ARHGAP22: variants seen among roughly 807,000 people sequenced by gnomAD.
ARHGAP22 encodes the protein rho GTPase-activating protein 22.
Under a neutral mutation model 59.1 loss-of-function variants are expected in ARHGAP22, and 48 were observed. The observed-to-expected ratio is 0.81, with a 90% CI of 0.64 to 1.03. ARHGAP22 has a LOEUF of 1.03. Ranked by LOEUF, ARHGAP22 falls within the 50% of genes least tolerant of loss-of-function variation. The pLI is 0.00. For missense variants in ARHGAP22, 1,015 were observed against 958.7 expected (o/e 1.06, Z -0.78); for synonymous variants, 445 against 416.4 (o/e 1.07, Z -0.84).
intron 3 of ARHGAP22, among the ~76,000 whole-genome samples, chr10:48,481,641 T>C (rs1404696403): frequency 8.5e-5 from 13 of 152,152 alleles, no homozygotes; most frequent in Non-Finnish European, 2.9e-5. Flanking sequence ...CTGTCTAACT[T>C]TTTAAGTATT....
intron 2 of ARHGAP22, among the ~76,000 whole-genome samples, chr10:48,572,555 A>T (rs1322812551): frequency 6.6e-6 from 1 of 152,220 alleles, no homozygotes; most frequent in Admixed American, 6.5e-5. Context: ...CCTCTGCTCC[A>T]GAGTGAATAT....
chr10:48,643,317 G>A (rs535564036), intron 1 of ARHGAP22, among the ~76,000 whole-genome samples: 19 of 152,044 alleles, frequency 1.2e-4, no homozygotes, highest in Non-Finnish European at 2.4e-4. Context: ...TGTTTATTGC[G>A]GCACTATTCA....
chr10:48,628,182 C>T (rs1317102203), intron 1 of ARHGAP22, among the ~76,000 whole-genome samples: 1 of 152,218 alleles, frequency 6.6e-6, no homozygotes, highest in Non-Finnish European at 1.5e-5. Context: ...TGCACTCACG[C>T]AGTCTCAGAA....
chr10:48,456,202 G>C (rs552297799), intron 5 of ARHGAP22, among the ~76,000 whole-genome samples: 1 of 152,160 alleles, frequency 6.6e-6, no homozygotes, highest in Non-Finnish European at 1.5e-5. Context: ...AAGATGAGAC[G>C]GGGCCAGGAG....
intron 3 of ARHGAP22, among the ~76,000 whole-genome samples, chr10:48,487,542 G>C (rs1199886709): frequency 6.6e-6 from 1 of 152,166 alleles, no homozygotes; most frequent in East Asian, 1.9e-4. Context: ...AACCTGATCT[G>C]TCATTTTTAG....
intron 4 of ARHGAP22, among the ~76,000 whole-genome samples, chr10:48,468,863 G>A (rs1027636470): frequency 6.6e-6 from 1 of 152,136 alleles, no homozygotes; most frequent in Non-Finnish European, 1.5e-5. Flanking sequence ...CCTCCCCAGA[G>A]CTCAGGTGAA....
intron 2 of ARHGAP22, among the ~76,000 whole-genome samples, chr10:48,573,837 G>A (rs1187115051): frequency 6.6e-6 from 1 of 152,148 alleles, no homozygotes; most frequent in Admixed American, 6.5e-5. Context: ...TGGTATAAAT[G>A]GGACTTGAAG....
chr10:48,549,567 A>G (rs2056736595), intron 3 of ARHGAP22, among the ~76,000 whole-genome samples: 1 of 152,014 alleles, frequency 6.6e-6, no homozygotes, highest in Non-Finnish European at 1.5e-5. Flanking sequence ...AGAGCAGGAG[A>G]TTTCTGCTTT....
intron 3 of ARHGAP22, among the ~76,000 whole-genome samples, chr10:48,547,982 C>A (rs1441923119): frequency 6.6e-6 from 1 of 152,234 alleles, no homozygotes; most frequent in Non-Finnish European, 1.5e-5. Context: ...TCCTTGCCCC[C>A]ACTAGGCGAA....
rs1221948681 is a variant in ARHGAP22 at position 48,634,396 on chromosome 10, G to A, written c.52+17838C>T. Among the ~76,000 whole-genome samples the A allele has an allele frequency of 2.0e-5, 3 of 152,210 alleles. No individual in the cohort carries two copies. In the East Asian group the frequency reaches 5.8e-4, roughly 29 times the overall value. The stretch of plus-strand genomic sequence containing the variant: ...AGAGGATAAGCTGCTGGGTGCAGAG[G>A]GCGGTGAGCCTGCACTGTGGTTTGC... On this transcript the variant is annotated intron_variant, in intron 1 of 9. Coordinates refer to the ARHGAP22 transcript ENST00000435790.
At chr10:48,474,509 G>C (rs1009979532) in intron 4 of ARHGAP22, among the ~76,000 whole-genome samples, 5 of 149,004 alleles carry the variant, frequency 3.4e-5, no homozygotes, top group African/African-American at 1.2e-4. Flanking sequence ...TCCTTGTCTT[G>C]TTCCTGATCT....
chr10:48,443,488 G>T (rs1005795698), downstream of ARHGAP22, among the ~76,000 whole-genome samples: 3 of 152,106 alleles, frequency 2.0e-5, no homozygotes, highest in Non-Finnish European at 2.9e-5. Flanking sequence ...GGAGACAGAA[G>T]TAGTAGCAAT....
chr10:48,605,839 C>G (rs546459852), upstream of ARHGAP22, among the ~76,000 whole-genome samples: 1 of 152,248 alleles, frequency 6.6e-6, no homozygotes, highest in South Asian at 2.1e-4. Flanking sequence ...AAATAAGGCA[C>G]AGCAAGGTTG....
At chr10:48,655,180 C>T (rs1048823796), upstream of ARHGAP22, among the ~76,000 whole-genome samples, 6 of 141,518 alleles carry the variant, frequency 4.2e-5, no homozygotes, top group African/African-American at 1.6e-4. Flanking sequence ...CGAACTGGCC[C>T]GTGTGTGCCC....
intron 1 of ARHGAP22, among the ~76,000 whole-genome samples, chr10:48,642,043 C>G (rs2062070548): frequency 6.6e-6 from 1 of 152,122 alleles, no homozygotes. Context: ...ATGTGAAGGT[C>G]CTCTTCAAGG....
intron 1 of ARHGAP22, among the ~76,000 whole-genome samples, chr10:48,633,982 C>G (rs544624425): frequency 6.6e-6 from 1 of 152,358 alleles, no homozygotes; most frequent in South Asian, 2.1e-4. Context: ...TATGTTCTCC[C>G]TCACCTTCTT....
intron 3 of ARHGAP22, among the ~76,000 whole-genome samples, chr10:48,483,356 T>A (rs921402846): frequency 6.6e-6 from 1 of 152,176 alleles, no homozygotes; most frequent in Non-Finnish European, 1.5e-5. Context: ...CCCAAAAATT[T>A]GCAACCTCCG....
At chr10:48,598,371 AGT>A (rs1216717382) in intron 1 of ARHGAP22, among the ~76,000 whole-genome samples, 2 of 152,046 alleles carry the variant, frequency 1.3e-5, no homozygotes, top group Admixed American at 1.3e-4. Context: ...GGTGGCTGGG[AGT>A]GTTTGTTCTC....
chr10:48,554,033 CCT>C (rs2057114983), intron 3 of ARHGAP22, among the ~76,000 whole-genome samples: 1 of 152,232 alleles, frequency 6.6e-6, no homozygotes, highest in Non-Finnish European at 1.5e-5. Flanking sequence ...CCACAGTCAA[CCT>C]CTGTTTTCTA....
Sources: allele counts gnomAD v4.1 joint callset (sites outside exome capture counted in the v4.1 genomes callset), GRCh38; gene constraint gnomAD v4.1.1; transcripts MANE v1.5; gene names NCBI Gene and HGNC (gene_info 2026-07-23, HGNC 2026-07-21).